The following SNF8 variants were observed in gnomAD, a reference collection of about 807,000 sequenced individuals.
SNF8 encodes the protein vacuolar-sorting protein SNF8.
A neutral mutation model predicts 36.8 loss-of-function variants in SNF8; 19 were observed. That is an observed-to-expected ratio of 0.52 (90% CI 0.36 to 0.76). The LOEUF (loss-of-function observed/expected upper bound fraction) is 0.76, where lower values mean the gene tolerates loss of function less well. SNF8 is among the 30% of genes least tolerant of loss of function. The pLI, the probability that SNF8 is intolerant of heterozygous loss-of-function variation, is 0.00. For missense variants in SNF8, 268 were observed against 322.9 expected (o/e 0.83, Z 1.30); for synonymous variants, 127 against 127.4 (o/e 1.00, Z 0.02).
chr17:48,936,811 G>C lies in SNF8; in HGVS notation c.349+209C>G, dbSNP rs2040940966. The C allele has an allele frequency of 1.0e-5, 6 of 595,526 alleles. No individual in the cohort carries two copies. The African/African-American group carries it at 1.1e-4, about 11-fold the overall frequency. The allele number at this position is 595,526 out of a possible 1,614,324, so 36.9% of individuals were successfully genotyped here. A position where few individuals can be genotyped will look rare whatever the true frequency, so the allele number is the denominator to read the frequency against. On this transcript the variant is annotated intron_variant, in intron 4 of 7. Coordinates refer to ENST00000502492, the MANE Select transcript of SNF8 (RefSeq NM_007241.4). Reference sequence around the variant, plus strand: ...TAGGGACTAGACCTTCCTGGCCAAAGATCTTTGGAGAACAGAGACAATCGT... The same window carrying C: ...TAGGGACTAGACCTTCCTGGCCAAACATCTTTGGAGAACAGAGACAATCGT...
Position 48,941,027 on chromosome 17 carries a change from C to T in SNF8, c.141G>A (p.Leu47=). 6.2e-7 allele frequency: 1 copy of T among 1,613,934 alleles called. No homozygotes were observed. Among genetic ancestry groups the T allele is most frequent in the Non-Finnish European group, 8.5e-7 (1 of 1,180,022 alleles). Residue 47 remains leucine, a synonymous_variant, in exon 3 of 8, where the codon CTG becomes CTA. Coordinates refer to ENST00000502492, the MANE Select transcript of SNF8 (RefSeq NM_007241.4). Reference sequence around the variant, plus strand: ...GCTTGTGTTTGCTGGCAAATTCCTCCAGGTTGGTCTTGAACATGTCCAACT... The same window carrying T: ...GCTTGTGTTTGCTGGCAAATTCCTCTAGGTTGGTCTTGAACATGTCCAACT... ...SKQLDMFKTN[L]EEFASKHKQE...
At position 48,930,183 on chromosome 17, in the gene SNF8, G is replaced by A. The variant is rs1244893042; in HGVS notation, c.*292C>T. On this transcript the variant is annotated 3_prime_UTR_variant, in exon 8 of 8. Transcript: ENST00000502492. ...ACAGCTACAAAGACTAGACAGGCCA[G>A]GAAACAACCCACATTCTAGGCCCAG... is the stretch of plus-strand genomic sequence containing the variant. The A allele has an allele frequency of 4.1e-6, 1 of 245,756 alleles. No homozygotes were observed. Among genetic ancestry groups the A allele is most frequent in the Non-Finnish European group, 7.9e-6 (1 of 127,230 alleles). The allele number at this position is 245,756 out of a possible 1,614,324, so 15.2% of individuals were successfully genotyped here.
chr17:48,940,887 C>T, intron 3 of SNF8, 37 bp downstream of exon 3: 2 of 1,605,302 alleles, frequency 1.2e-6, no homozygotes, highest in Non-Finnish European at 1.7e-6. Flanking sequence ...CTCAGGTACT[C>T]TATAAGAACG....
intron 2 of SNF8, 61 bp downstream of exon 2, chr17:48,943,864 G>C (rs1283655448): frequency 2.1e-6 from 3 of 1,423,912 alleles, no homozygotes; most frequent in Non-Finnish European, 2.0e-6. Context: ...TCGTATCCAA[G>C]GTGTCTTGGC....
chr17:48,938,326 G>A (rs8074792), intron 3 of SNF8, among the ~76,000 whole-genome samples: 20,124 of 151,200 alleles, frequency 0.13, 1,416 homozygotes, highest in African/African-American at 0.15. Context: ...GAGACACCCC[G>A]TCTCTACTAA....
At chr17:48,941,513 C>G (rs140048536) in intron 2 of SNF8, among the ~76,000 whole-genome samples, 86 of 152,072 alleles carry the variant, frequency 5.7e-4, no homozygotes, top group Non-Finnish European at 2.1e-4. Flanking sequence ...TTTACCCCCC[C>G]CAGCCGACAG....
chr17:48,937,171 CCTT>C (rs766545147), intron 3 of SNF8, 47 bp from the exon 4 acceptor site: 1 of 1,387,158 alleles, frequency 7.2e-7, no homozygotes, highest in South Asian at 1.2e-5. Context: ...AATTTACATC[CCTT>C]CTTTTCTTTC....
At position 48,936,330 on chromosome 17, in the gene SNF8, G is replaced by C. The variant is rs186915203; in HGVS notation, c.350-88C>G. 41 of 986,226 alleles carry C rather than the reference G, an allele frequency of 4.2e-5. No individual in the cohort carries two copies. In the East Asian group the frequency reaches 1.0e-3, roughly 25 times the overall value. 61.1% of individuals were successfully genotyped at this position (986,226 alleles called of 1,614,324 possible). ...TCATTACAATTCCAGTGGCCTACAAGTAGCAAATAACATTCTAGTTCCTAA... is the reference window on the plus strand; with the variant it reads ...TCATTACAATTCCAGTGGCCTACAACTAGCAAATAACATTCTAGTTCCTAA... On this transcript the variant is annotated intron_variant, in intron 4 of 7. Transcript: ENST00000502492.
intron 7 of SNF8, 48 bp from the exon 8 acceptor site, chr17:48,930,660 T>A (rs201514751): frequency 4.4e-6 from 7 of 1,587,726 alleles, no homozygotes; most frequent in Non-Finnish European, 6.0e-6. Flanking sequence ...GGAGGTTCCA[T>A]AGACAAAGGG....
At chr17:48,933,134 C>G (rs563889094) in intron 6 of SNF8, 71 bp downstream of exon 6, 15 of 1,563,634 alleles carry the variant, frequency 9.6e-6, no homozygotes, top group Non-Finnish European at 1.3e-5. Flanking sequence ...GGAGCACGAG[C>G]TGAGAACTGC....
rs2041082464 is a variant in SNF8 at position 48,944,799 on chromosome 17, C to T, written c.-65G>A. ...CCGGGTCTCCACGTCCCGGACTCCG[C>T]CGCCGGCTCCCCAAGGCGGAAGCCC... On this transcript the variant is annotated 5_prime_UTR_variant, in exon 1 of 8. Transcript: ENST00000502492. 1.3e-6 allele frequency: 2 copies of T among 1,484,504 alleles called. No homozygotes were observed. The highest frequency in any genetic ancestry group is 1.3e-5 in the South Asian group (1 of 75,248). 92.0% of individuals were successfully genotyped at this position (1,484,504 alleles called of 1,614,324 possible).
intron 4 of SNF8, chr17:48,936,744 A>G: frequency 2.1e-6 from 1 of 479,346 alleles, no homozygotes; most frequent in Admixed American, 3.7e-5. Flanking sequence ...ACATCAGGGG[A>G]AAAGGCCTAC....
intron 3 of SNF8, among the ~76,000 whole-genome samples, chr17:48,938,510 A>AAG (rs1555583826): frequency 6.6e-6 from 1 of 151,398 alleles, no homozygotes; most frequent in African/African-American, 2.4e-5. Flanking sequence ...AAAAAAAAAA[A>AAG]AAAGAAAACA....
At chr17:48,936,446 G>A (rs1489626175) in intron 4 of SNF8, among the ~76,000 whole-genome samples, 1 of 152,112 alleles carries the variant, frequency 6.6e-6, no homozygotes, top group Admixed American at 6.6e-5. Context: ...AGAGAGCTAC[G>A]AAAATCTAAA....
At chr17:48,931,067 T>C (rs1245545320) in intron 7 of SNF8, among the ~76,000 whole-genome samples, 24 of 152,038 alleles carry the variant, frequency 1.6e-4, no homozygotes, top group Admixed American at 1.6e-3. Context: ...TCAAAATGGG[T>C]GGTTTCTGTC....
chr17:48,942,511 A>G (rs566070526), intron 2 of SNF8, among the ~76,000 whole-genome samples: 8 of 152,122 alleles, frequency 5.3e-5, no homozygotes, highest in East Asian at 3.9e-4. Context: ...TTCTTCCCCA[A>G]TCACAATCAC....
In SNF8 at chr17:48,944,822, C is replaced by T; in HGVS notation, c.-88G>A. 1.4e-6 allele frequency: 2 copies of T among 1,407,944 alleles called. No homozygotes were observed. The highest frequency in any genetic ancestry group is 1.6e-5 in the South Asian group (1 of 64,022). 87.2% of individuals were successfully genotyped at this position (1,407,944 alleles called of 1,614,324 possible). The stretch of plus-strand genomic sequence containing the variant: ...CGCCGCCGGCTCCCCAAGGCGGAAG[C>T]CCGAGCCGCGCGTCATCTGCACGCG... On this transcript the variant is annotated 5_prime_UTR_variant, in exon 1 of 8. Coordinates refer to ENST00000502492, the MANE Select transcript of SNF8 (RefSeq NM_007241.4).
intron 6 of SNF8, 105 bp downstream of exon 6, chr17:48,933,100 C>G (rs907680617): frequency 1.6e-6 from 2 of 1,284,328 alleles, no homozygotes; most frequent in East Asian, 4.8e-5. Flanking sequence ...ACTGGATAGT[C>G]TCAGCAAAAG....
intron 3 of SNF8, among the ~76,000 whole-genome samples, chr17:48,940,415 C>T (rs2041001731): frequency 6.6e-6 from 1 of 152,054 alleles, no homozygotes; most frequent in South Asian, 2.1e-4. Flanking sequence ...GGAATGATCA[C>T]AGACACTGGC....
Sources: allele counts gnomAD v4.1 joint callset (sites outside exome capture counted in the v4.1 genomes callset), GRCh38; gene constraint gnomAD v4.1.1; transcripts MANE v1.5; gene names NCBI Gene and HGNC (gene_info 2026-07-23, HGNC 2026-07-21).